Variants in ANKRD46 observed in about 807,000 individuals in gnomAD.
ANKRD46 encodes ankyrin repeat domain-containing protein 46.
ANKRD46 carries 13 observed loss-of-function variants against 19.8 expected under a neutral mutation model. The observed-to-expected ratio is 0.66, with a 90% CI of 0.43 to 1.04. ANKRD46 has a LOEUF of 1.04. Ranked by LOEUF, ANKRD46 falls within the 50% of genes least tolerant of loss-of-function variation. The pLI is 0.00. For missense variants in ANKRD46, 185 were observed against 274.8 expected (o/e 0.67, Z 2.31); for synonymous variants, 91 against 106.9 (o/e 0.85, Z 0.92).
chr8:100,517,203 G>A (rs544773254), downstream of ANKRD46, among the ~76,000 whole-genome samples: 192 of 152,330 alleles, frequency 1.3e-3, 1 homozygote, highest in African/African-American at 4.4e-3. Flanking sequence ...CCACTGACCT[G>A]ACTTGAACTC....
chr8:100,528,507 CCTT>C (rs907455874), intron 3 of ANKRD46, among the ~76,000 whole-genome samples: 5 of 150,610 alleles, frequency 3.3e-5, no homozygotes, highest in African/African-American at 1.2e-4. Flanking sequence ...TTGAATTAAC[CCTT>C]GTTTTTCTTT....
chr8:100,517,005 G>A (rs1334278797), downstream of ANKRD46, among the ~76,000 whole-genome samples: 2 of 152,170 alleles, frequency 1.3e-5, no homozygotes, highest in African/African-American at 2.4e-5. Context: ...CTTACTGGCC[G>A]TGTTACCTTG....
intron 1 of ANKRD46, among the ~76,000 whole-genome samples, chr8:100,541,066 CCATTT>C (rs1373231774): frequency 1.3e-5 from 2 of 149,432 alleles, no homozygotes; most frequent in African/African-American, 5.0e-5. Flanking sequence ...TTTCTCTGTT[CCATTT>C]CAAGTTATTT....
rs528858194 is a variant in ANKRD46, at chr8:100,536,752, A to G, written c.-130-3441T>C. Among the ~76,000 whole-genome samples, 1 of 152,342 alleles carries G rather than the reference A, an allele frequency of 6.6e-6. No homozygotes were observed. Among genetic ancestry groups the G allele is most frequent in the East Asian group, 1.9e-4 (1 of 5,186 alleles). On this transcript the variant is annotated intron_variant, in intron 1 of 4. Transcript: ENST00000335659. The surrounding 1 kb of genome is among the most constrained non-coding windows in gnomAD (Gnocchi z 4.9). ...TTGCTGACCAGGGCCCTGGTTCCCA[A>G]GGAACAGTGTCCATGAGGAACAGTG...
At chr8:100,533,086 T>G (rs531768371) in intron 2 of ANKRD46, 123 bp downstream of exon 2, 8 of 152,230 alleles carry the variant, frequency 5.3e-5, no homozygotes, top group Non-Finnish European at 1.2e-4. Context: ...CTAAACTTAA[T>G]CCCACATTTA....
Position 100,521,370 on chromosome 8 carries a change from T to A in ANKRD46, c.*1185A>T. 1 of 985,434 alleles carries A rather than the reference T, an allele frequency of 1.0e-6. No homozygotes were observed. Among genetic ancestry groups the A allele is most frequent in the Non-Finnish European group, 1.2e-6 (1 of 829,914 alleles). 61.0% of individuals were successfully genotyped at this position (985,434 alleles called of 1,614,324 possible). On this transcript the variant is annotated 3_prime_UTR_variant, in exon 5 of 5. Coordinates refer to ENST00000335659, the MANE Select transcript of ANKRD46 (RefSeq NM_001270377.2). ...AATAAATAATTATCAAGCCTTCATA[T>A]TCTTTTTTAACCACTCAAGAACATA... is the stretch of plus-strand genomic sequence containing the variant.
In ANKRD46 at chr8:100,545,612, A is replaced by G. The variant is rs1164921302; in HGVS notation, c.-130-12301T>C. ...TGAAAACAGACTAATACAGAGAATT[A>G]GTACCAGGAGTAGGGCACTGCTATA... On this transcript the variant is annotated intron_variant, in intron 1 of 4. Coordinates refer to ENST00000335659, the MANE Select transcript of ANKRD46 (RefSeq NM_001270377.2). This position sits in a 1 kb window ranked among gnomAD's most constrained non-coding sequence, Gnocchi z 4.7. Among the ~76,000 whole-genome samples, 1 of 152,238 alleles carries G rather than the reference A, an allele frequency of 6.6e-6. No individual in the cohort carries two copies. Among genetic ancestry groups the G allele is most frequent in the Non-Finnish European group, 1.5e-5 (1 of 68,036 alleles).
intron 1 of ANKRD46, among the ~76,000 whole-genome samples, chr8:100,535,590 AC>A (rs1486214175): frequency 6.6e-6 from 1 of 152,110 alleles, no homozygotes; most frequent in African/African-American, 2.4e-5. Flanking sequence ...AGAAAACACT[AC>A]CTAGTCTTCC....
intron 2 of ANKRD46, among the ~76,000 whole-genome samples, chr8:100,531,395 A>G (rs1309275246): frequency 6.6e-6 from 1 of 152,104 alleles, no homozygotes; most frequent in African/African-American, 2.4e-5. Context: ...GTTTGGTGAG[A>G]TTGCTGCCCC....
At position 100,520,934 on chromosome 8, in the gene ANKRD46, T is replaced by C. The variant is rs186457821; in HGVS notation, c.*1621A>G. The C allele has an allele frequency of 7.1e-6, 7 of 985,076 alleles. No individual in the cohort carries two copies. In the East Asian group the frequency reaches 7.9e-4, roughly 112 times the overall value. The allele number at this position is 985,076 out of a possible 1,614,324, so 61.0% of individuals were successfully genotyped here. Reference sequence around the variant, plus strand: ...ATATTTGTTTAGATTTACAAACAAATGTAAAGCTAATTCCAAAGTTTTCTT... The same window carrying C: ...ATATTTGTTTAGATTTACAAACAAACGTAAAGCTAATTCCAAAGTTTTCTT... On this transcript the variant is annotated 3_prime_UTR_variant, in exon 5 of 5. Coordinates refer to ENST00000335659, the MANE Select transcript of ANKRD46 (RefSeq NM_001270377.2).
intron 1 of ANKRD46, among the ~76,000 whole-genome samples, chr8:100,553,236 T>G (rs1216524654): frequency 6.6e-6 from 1 of 152,146 alleles, no homozygotes; most frequent in South Asian, 2.1e-4. Flanking sequence ...CAATCCACAG[T>G]TTTTGTTGTG....
In ANKRD46 at chr8:100,510,001, G is replaced by C. The variant is rs550670450; in HGVS notation, c.*576C>G. 3.9e-5 allele frequency: 6 copies of C among 152,572 alleles called. No individual in the cohort carries two copies. Among genetic ancestry groups the C allele is most frequent in the African/African-American group, 1.4e-4 (6 of 41,586 alleles). 9.5% of individuals were successfully genotyped at this position (152,572 alleles called of 1,614,324 possible). On this transcript the variant is annotated 3_prime_UTR_variant, in exon 6 of 6. Transcript: ENST00000520552. This position sits in a 1 kb window ranked among gnomAD's most constrained non-coding sequence, Gnocchi z 4.9. ...CAGAAGCGGGCTGCCGGTGGCCATGGGTGGGAGTGAAGGGGCTCAGCCTTA... is the reference window on the plus strand; with the variant it reads ...CAGAAGCGGGCTGCCGGTGGCCATGCGTGGGAGTGAAGGGGCTCAGCCTTA...
chr8:100,510,703 A>G lies in ANKRD46; in HGVS notation c.637-64T>C. The stretch of plus-strand genomic sequence containing the variant: ...ATCCCAGTTCTGTTAAGCTGCAGAG[A>G]TGTGCCAGGACCAGATACAATCATA... On this transcript the variant is annotated intron_variant, in intron 5 of 5. Transcript: ENST00000520552. The surrounding 1 kb of genome is among the most constrained non-coding windows in gnomAD (Gnocchi z 4.9). 1 of 1,397,308 alleles carries G rather than the reference A, an allele frequency of 7.2e-7. No homozygotes were observed. The highest frequency in any genetic ancestry group is 1.3e-5 in the South Asian group (1 of 78,640). The allele number at this position is 1,397,308 out of a possible 1,614,324, so 86.6% of individuals were successfully genotyped here. A position where few individuals can be genotyped will look rare whatever the true frequency, so the allele number is the denominator to read the frequency against.
chr8:100,532,771 G>A lies in ANKRD46; in HGVS notation c.-28+438C>T, dbSNP rs1460955293. Among the ~76,000 whole-genome samples, 1 of 152,168 alleles carries A rather than the reference G, an allele frequency of 6.6e-6. No homozygotes were observed. The highest frequency in any genetic ancestry group is 2.4e-5 in the African/African-American group (1 of 41,440). On this transcript the variant is annotated intron_variant, in intron 2 of 4. Coordinates refer to ENST00000335659, the MANE Select transcript of ANKRD46 (RefSeq NM_001270377.2). The surrounding 1 kb of genome is among the most constrained non-coding windows in gnomAD (Gnocchi z 4.7). ...ACATTCAAAGCTGTTCTGGGCTGCA[G>A]GTTGGACAAGCTTGCACAGTATTGA...
Position 100,522,008 on chromosome 8 carries a change from A to G in ANKRD46, c.*547T>C. ...CAAAAGTTTTGTTTGGTTTGTGACT[A>G]GACTTAAAAATACTAAAATAAGCCA... is the stretch of plus-strand genomic sequence containing the variant. On this transcript the variant is annotated 3_prime_UTR_variant, in exon 5 of 5. Transcript: ENST00000335659. The G allele has an allele frequency of 3.0e-6, 3 of 985,096 alleles. No homozygotes were observed. Among genetic ancestry groups the G allele is most frequent in the Non-Finnish European group, 3.6e-6 (3 of 829,558 alleles). 61.0% of individuals were successfully genotyped at this position (985,096 alleles called of 1,614,324 possible).
chr8:100,512,678 A>G (rs1448536879), intron 5 of ANKRD46, among the ~76,000 whole-genome samples: 1 of 152,254 alleles, frequency 6.6e-6, no homozygotes. Context: ...ATAAGCTTCC[A>G]TAATTCTCAC....
chr8:100,531,050 A>T (rs923373719), intron 2 of ANKRD46, among the ~76,000 whole-genome samples: 8 of 152,158 alleles, frequency 5.3e-5, no homozygotes, highest in African/African-American at 1.9e-4. Flanking sequence ...TGCCTGGTGC[A>T]CCTGAACTCT....
intron 1 of ANKRD46, among the ~76,000 whole-genome samples, chr8:100,535,906 TC>T (rs767603806): frequency 6.6e-6 from 1 of 152,178 alleles, no homozygotes; most frequent in Non-Finnish European, 1.5e-5. Context: ...GGATAAATGG[TC>T]AGGAGAGCAA....
At position 100,523,449 on chromosome 8, in the gene ANKRD46, G is replaced by C. The variant is rs184876181; in HGVS notation, c.471-678C>G. Among the ~76,000 whole-genome samples, 492 of 151,734 alleles carry C rather than the reference G, an allele frequency of 3.2e-3. 4 individuals are homozygous for C. The highest frequency in any genetic ancestry group is 0.011 in the African/African-American group (459 of 41,336). On this transcript the variant is annotated intron_variant, in intron 4 of 4. Coordinates refer to ENST00000335659, the MANE Select transcript of ANKRD46 (RefSeq NM_001270377.2). ...GAACTGAGAAAGTAAATGTCTGTTG[G>C]GGGGAGGGGGGAAGATGAGTAAATC...
Sources: gnomAD v4.1 joint callset for allele counts (sites outside exome capture counted in the v4.1 genomes callset) on GRCh38, gnomAD v4.1.1 for gene constraint, Gnocchi (gnomAD v3.1) non-coding constraint, MANE v1.5 for transcripts, NCBI Gene and HGNC (gene_info 2026-07-23, HGNC 2026-07-21) for gene names.